TASP1: variants seen among roughly 807,000 people sequenced by gnomAD.
TASP1 encodes the protein threonine aspartase 1.
In TASP1, 16 loss-of-function variants were observed where a neutral mutation model predicts 56.6. The observed-to-expected ratio is 0.28, with a 90% CI of 0.19 to 0.43. TASP1 has a LOEUF of 0.43. TASP1 is among the 20% of genes least tolerant of loss of function. The pLI is 1.00. For synonymous variants in TASP1, 179 were observed against 184.2 expected (o/e 0.97, Z 0.23); for missense variants, 393 against 511.6 (o/e 0.77, Z 2.24).
chr20:13,371,192 C>T, the TASP1 span, among the ~76,000 whole-genome samples: 1 of 151,944 alleles, frequency 6.6e-6, no homozygotes, highest in Non-Finnish European at 1.5e-5. Context: ...TTATTATTTC[C>T]TCTTTCTACT....
the TASP1 span, among the ~76,000 whole-genome samples, chr20:13,261,762 T>G: frequency 5.9e-3 from 903 of 152,318 alleles, 6 homozygotes; most frequent in African/African-American, 0.02. Context: ...AACTTTAGTG[T>G]TGAGAAGAAT....
At chr20:13,292,593 A>C in the TASP1 span, 1 of 651,744 alleles carries the variant, frequency 1.5e-6, no homozygotes, top group Non-Finnish European at 2.7e-6. Flanking sequence ...TGCTCCCAGC[A>C]TGTGTCTTGC....
chr20:13,393,323 G>A (rs1050418277), intron 13 of TASP1: 3 of 758,390 alleles, frequency 4.0e-6, no homozygotes, highest in Admixed American at 1.8e-5. Flanking sequence ...CCAAGGCTGT[G>A]GGCAAGGTCA....
At chr20:13,109,441 C>T in the TASP1 span, among the ~76,000 whole-genome samples, 2 of 152,140 alleles carry the variant, frequency 1.3e-5, no homozygotes, top group Non-Finnish European at 2.9e-5. Flanking sequence ...TTTCCTGAAC[C>T]ACAGAATGGA....
the TASP1 span, among the ~76,000 whole-genome samples, chr20:13,318,676 G>A: frequency 6.6e-6 from 1 of 152,176 alleles, no homozygotes; most frequent in Non-Finnish European, 1.5e-5. Flanking sequence ...AATAAGTGCT[G>A]GCTATCCAGT....
chr20:13,333,012 T>C, the TASP1 span, among the ~76,000 whole-genome samples: 1 of 152,196 alleles, frequency 6.6e-6, no homozygotes, highest in African/African-American at 2.4e-5. Flanking sequence ...ACACACAAAT[T>C]CACATTTTGT....
chr20:13,558,821 C>T (rs1038052592), intron 8 of TASP1, among the ~76,000 whole-genome samples, 187 bp downstream of exon 8: 4 of 151,818 alleles, frequency 2.6e-5, no homozygotes, highest in African/African-American at 9.7e-5. Context: ...TTTCTTTCTA[C>T]TTTCTTTTTC....
the TASP1 span, chr20:13,153,855 C>T: frequency 4.2e-5 from 45 of 1,059,062 alleles, 1 homozygote; most frequent in South Asian, 6.7e-4. Context: ...ACACCTGCTC[C>T]CCAGGAGATA....
intron 12 of TASP1, among the ~76,000 whole-genome samples, chr20:13,420,935 C>G (rs1021006873): frequency 6.6e-6 from 1 of 152,034 alleles, no homozygotes; most frequent in East Asian, 1.9e-4. Flanking sequence ...AGACCAAATT[C>G]CTTACAAACA....
intron 10 of TASP1, among the ~76,000 whole-genome samples, chr20:13,517,824 A>G (rs1449623984): frequency 1.3e-5 from 2 of 152,152 alleles, no homozygotes; most frequent in Non-Finnish European, 2.9e-5. Flanking sequence ...AATATATTAA[A>G]AGTTAATCAG....
chr20:13,533,974 C>T (rs771290455), intron 9 of TASP1, 48 bp downstream of exon 9: 25 of 1,557,296 alleles, frequency 1.6e-5, no homozygotes, highest in African/African-American at 5.5e-5. Context: ...GCTAAAAATT[C>T]CATGCTTTAC....
intron 11 of TASP1, among the ~76,000 whole-genome samples, chr20:13,440,818 T>C (rs2043188210): frequency 6.6e-6 from 1 of 152,172 alleles, no homozygotes; most frequent in Non-Finnish European, 1.5e-5. Context: ...GCTACAGCCA[T>C]GCTATAGTTG....
chr20:13,106,555 G>A, the TASP1 span, among the ~76,000 whole-genome samples: 22 of 152,256 alleles, frequency 1.4e-4, 1 homozygote, highest in Admixed American at 1.3e-3. Context: ...GTGTGTTGGG[G>A]GATGTTGACA....
At chr20:13,356,040 G>A in the TASP1 span, among the ~76,000 whole-genome samples, 1 of 152,134 alleles carries the variant, frequency 6.6e-6, no homozygotes, top group Non-Finnish European at 1.5e-5. Context: ...CTAAAATGCT[G>A]TTGGGATTTC....
chr20:13,343,563 G>GC, the TASP1 span, among the ~76,000 whole-genome samples: 2 of 146,516 alleles, frequency 1.4e-5, no homozygotes, highest in Non-Finnish European at 1.5e-5. Flanking sequence ...GGATGGGGCC[G>GC]CCCCACCCCC....
chr20:13,417,351 A>G (rs917980833), intron 13 of TASP1, 97 bp downstream of exon 13: 11 of 1,345,940 alleles, frequency 8.2e-6, no homozygotes, highest in African/African-American at 1.5e-5. Flanking sequence ...TACTGCCCAA[A>G]AAAAGCTGAA....
chr20:13,458,809 A>G (rs1224961295), intron 11 of TASP1, among the ~76,000 whole-genome samples: 1 of 152,188 alleles, frequency 6.6e-6, no homozygotes, highest in Non-Finnish European at 1.5e-5. Flanking sequence ...TCTGGGGACA[A>G]GCAGGTCAAC....
chr20:13,409,713 T>C (rs1420988314), intron 13 of TASP1, among the ~76,000 whole-genome samples: 1 of 152,178 alleles, frequency 6.6e-6, no homozygotes, highest in East Asian at 1.9e-4. Context: ...CACATAATAT[T>C]TTACATATGT....
chr20:13,537,070 G>C (rs1025185030), intron 8 of TASP1, among the ~76,000 whole-genome samples: 1 of 152,002 alleles, frequency 6.6e-6, no homozygotes, highest in African/African-American at 2.4e-5. Flanking sequence ...GAATTTTATA[G>C]AGGGAATAAG....
Sources: gnomAD v4.1 joint callset for allele counts (sites outside exome capture counted in the v4.1 genomes callset) on GRCh38, gnomAD v4.1.1 for gene constraint, MANE v1.5 for transcripts, NCBI Gene and HGNC (gene_info 2026-07-23, HGNC 2026-07-21) for gene names.